CNTN6: variants seen among roughly 807,000 people sequenced by gnomAD.
The protein encoded by CNTN6 is contactin 6, also known as contactin-6.
A neutral mutation model predicts 122.8 loss-of-function variants in CNTN6; 137 were observed. The ratio of observed to expected loss-of-function variants is 1.12; its 90% CI spans 0.97 to 1.29. CNTN6 has a LOEUF of 1.29. Among genes scored for constraint, CNTN6 ranks in the 50% most tolerant of loss-of-function variants. CNTN6 has a pLI of 0.00. For missense variants in CNTN6, 1,634 were observed against 1,223.4 expected (o/e 1.34, Z -5.01); for synonymous variants, 570 against 426.0 (o/e 1.34, Z -4.16).
At chr3:1,267,949 G>T (rs892204578) in intron 4 of CNTN6, among the ~76,000 whole-genome samples, 7 of 151,894 alleles carry the variant, frequency 4.6e-5, no homozygotes, top group African/African-American at 1.7e-4. Context: ...CCCACATGAG[G>T]ATGATTTACC....
intron 11 of CNTN6, among the ~76,000 whole-genome samples, 192 bp downstream of exon 11, chr3:1,330,127 T>G (rs1702091050): frequency 6.6e-6 from 1 of 151,896 alleles, no homozygotes; most frequent in Admixed American, 6.6e-5. Flanking sequence ...TAAAGACCTG[T>G]TTGTATAAGT....
chr3:1,146,539 C>T (rs913559484), intron 1 of CNTN6, among the ~76,000 whole-genome samples: 33 of 151,188 alleles, frequency 2.2e-4, no homozygotes, highest in Non-Finnish European at 2.7e-4. Flanking sequence ...AAATCTCATA[C>T]ATATTACATT....
chr3:1,392,270 A>T (rs1195776772), intron 20 of CNTN6, among the ~76,000 whole-genome samples: 1 of 152,208 alleles, frequency 6.6e-6, no homozygotes, highest in African/African-American at 2.4e-5. Context: ...CAGCTATCTG[A>T]TCTTTGACAA....
chr3:1,113,943 G>T (rs1194389604), intron 1 of CNTN6, among the ~76,000 whole-genome samples: 1 of 152,170 alleles, frequency 6.6e-6, no homozygotes, highest in Non-Finnish European at 1.5e-5. Context: ...GGACAATCCT[G>T]TCTCCTACAT....
chr3:1,398,118 C>A (rs1222117323), intron 20 of CNTN6, among the ~76,000 whole-genome samples: 4 of 151,988 alleles, frequency 2.6e-5, no homozygotes, highest in African/African-American at 7.2e-5. Flanking sequence ...AGACTTGGTA[C>A]AAATATCATG....
At chr3:1,361,998 T>A (rs1156244379) in intron 12 of CNTN6, among the ~76,000 whole-genome samples, 1 of 152,064 alleles carries the variant, frequency 6.6e-6, no homozygotes, top group East Asian at 1.9e-4. Flanking sequence ...GAGACACAAA[T>A]AGAGGTTCAG....
chr3:1,143,938 A>G (rs888836930), intron 1 of CNTN6, among the ~76,000 whole-genome samples: 1 of 152,198 alleles, frequency 6.6e-6, no homozygotes, highest in East Asian at 1.9e-4. Flanking sequence ...ACTGACAATC[A>G]ATGTGATTGT....
At chr3:1,310,491 T>C (rs202135896) in intron 7 of CNTN6, among the ~76,000 whole-genome samples, 2 of 152,192 alleles carry the variant, frequency 1.3e-5, no homozygotes, top group East Asian at 3.8e-4. Flanking sequence ...CATAAGTCTT[T>C]TTAATTGTTG....
intron 2 of CNTN6, among the ~76,000 whole-genome samples, chr3:1,176,416 A>G (rs1367315982): frequency 2.6e-5 from 4 of 152,196 alleles, no homozygotes; most frequent in African/African-American, 9.6e-5. Flanking sequence ...GCCTCAGAAA[A>G]AAGCCCCAGA....
At chr3:1,280,126 A>G (rs1272737866) in intron 5 of CNTN6, among the ~76,000 whole-genome samples, 4 of 152,184 alleles carry the variant, frequency 2.6e-5, no homozygotes, top group Non-Finnish European at 5.9e-5. Flanking sequence ...TGTTATTCAA[A>G]TATTCTTGAC....
chr3:1,230,238 C>A (rs2094337000), intron 4 of CNTN6, among the ~76,000 whole-genome samples: 4 of 152,086 alleles, frequency 2.6e-5, no homozygotes, highest in African/African-American at 9.7e-5. Context: ...AGTTCAAATT[C>A]TTTTTGTCAA....
Position 1,268,479 on chromosome 3 carries a change from T to C in CNTN6, c.359-9934T>C, listed in dbSNP as rs373645092. Among the ~76,000 whole-genome samples, 190 of 151,400 alleles carry C rather than the reference T, an allele frequency of 1.3e-3. 2 individuals carry two copies. Among genetic ancestry groups the C allele is most frequent in the Middle Eastern group, 0.01 (3 of 294 alleles). ...AAAATTAGCCAGGCGCGGTGGCAGG[T>C]GCCTGTAGTCCCAGCTACTTGGGAG... On this transcript the variant is annotated intron_variant, in intron 4 of 22. Transcript: ENST00000446702.
At chr3:1,232,504 T>C (rs2094364959) in intron 4 of CNTN6, among the ~76,000 whole-genome samples, 1 of 152,222 alleles carries the variant, frequency 6.6e-6, no homozygotes, top group Non-Finnish European at 1.5e-5. Context: ...TACAAAGTAT[T>C]ATGTGGCAGG....
At chr3:1,274,697 G>T (rs1210315559) in intron 4 of CNTN6, among the ~76,000 whole-genome samples, 4 of 152,024 alleles carry the variant, frequency 2.6e-5, no homozygotes. Flanking sequence ...AATTTTACTG[G>T]AACTAGCATG....
intron 5 of CNTN6, among the ~76,000 whole-genome samples, chr3:1,295,304 C>T (rs965847754): frequency 6.6e-6 from 1 of 152,098 alleles, no homozygotes; most frequent in Non-Finnish European, 1.5e-5. Context: ...TTTTATACGT[C>T]TTATGGTATT....
intron 2 of CNTN6, among the ~76,000 whole-genome samples, chr3:1,207,419 C>G (rs570355104): frequency 3.7e-3 from 565 of 152,156 alleles, no homozygotes; most frequent in Non-Finnish European, 5.9e-3. Context: ...TATATCAATG[C>G]TTTCAGTCTC....
intron 5 of CNTN6, among the ~76,000 whole-genome samples, chr3:1,280,214 T>C (rs994058535): frequency 2.0e-5 from 3 of 152,120 alleles, no homozygotes; most frequent in African/African-American, 7.2e-5. Context: ...ATCAGTTCCA[T>C]ATGTAAAAAA....
intron 7 of CNTN6, among the ~76,000 whole-genome samples, chr3:1,300,096 C>A (rs1258820244): frequency 1.3e-5 from 2 of 152,058 alleles, no homozygotes; most frequent in African/African-American, 4.8e-5. Flanking sequence ...CCTGCCTCAG[C>A]CTCCCAAGTA....
At chr3:1,322,352 G>T (rs1054054347) in intron 8 of CNTN6, among the ~76,000 whole-genome samples, 1 of 151,532 alleles carries the variant, frequency 6.6e-6, no homozygotes, top group African/African-American at 2.4e-5. Context: ...AAAATCTCTC[G>T]TAAACTTAAG....
Sources: allele counts gnomAD v4.1 joint callset (sites outside exome capture counted in the v4.1 genomes callset), GRCh38; gene constraint gnomAD v4.1.1; transcripts MANE v1.5; gene names NCBI Gene and HGNC (gene_info 2026-07-23, HGNC 2026-07-21).